CFAP46: variants seen among roughly 807,000 people sequenced by gnomAD.
The protein encoded by CFAP46 is cilia and flagella associated protein 46.
A neutral mutation model predicts 325.7 loss-of-function variants in CFAP46; 245 were observed. The observed-to-expected ratio is 0.75, with a 90% CI of 0.68 to 0.84. The LOEUF (loss-of-function observed/expected upper bound fraction) is 0.84. Ranked by LOEUF, CFAP46 falls within the 40% of genes least tolerant of loss-of-function variation. The pLI, the probability that CFAP46 is intolerant of heterozygous loss-of-function variation, is 0.00. For missense variants in CFAP46, 3,346 were observed against 3,543.0 expected (o/e 0.94, Z 1.41); for synonymous variants, 1,523 against 1,495.9 (o/e 1.02, Z -0.42).
rs150211323 is a variant in CFAP46 at position 132,912,124 on chromosome 10, A to ACC, written c.2499+529_2499+530dup. ...CTCCCTGCTCTCTCCCTCCACCCCC[A>ACC]CCCCCCCACCCCCACATCTCTCTCT... On this transcript the variant is annotated intron_variant, in intron 19 of 57. Coordinates refer to ENST00000368586, the MANE Select transcript of CFAP46 (RefSeq NM_001200049.3). Among the ~76,000 whole-genome samples the ACC allele has an allele frequency of 8.0e-4, 53 of 66,488 alleles. 1 individual carries two copies. Among genetic ancestry groups the ACC allele is most frequent in the African/African-American group, 3.0e-3 (45 of 14,882 alleles). The allele number at this position is 66,488 out of a possible 152,430, so 43.6% of individuals were successfully genotyped here.
chr10:132,923,732 C>A (rs1264310068), intron 11 of CFAP46, among the ~76,000 whole-genome samples: 1 of 152,110 alleles, frequency 6.6e-6, no homozygotes, highest in Non-Finnish European at 1.5e-5. Flanking sequence ...GAAGGAAGGC[C>A]CAGCAGGGGT....
intron 15 of CFAP46, 66 bp from the exon 16 acceptor site, chr10:132,918,586 TCCTGAACCATCTTGGAGTG>T: frequency 6.8e-7 from 1 of 1,465,474 alleles, no homozygotes; most frequent in Non-Finnish European, 9.1e-7. Flanking sequence ...ACACAAGAAT[TCCTGAACCATCTTGGAGTG>T]CCTGAGCCTC....
At position 132,832,387 on chromosome 10, in the gene CFAP46, T is replaced by G. The variant is rs556599113; in HGVS notation, c.7117+971A>C. 1.7e-4 allele frequency among the ~76,000 whole-genome samples: 21 copies of G among 124,382 alleles called. No individual in the cohort carries two copies. Among genetic ancestry groups the G allele is most frequent in the East Asian group, 7.3e-4 (3 of 4,082 alleles). The allele number at this position is 124,382 out of a possible 152,430, so 81.6% of individuals were successfully genotyped here. ...CTTGCGGAGACCCCTGGGCTCTTCC[T>G]GCCCCCCCCCCCCAATGCTGTGGCC... On this transcript the variant is annotated intron_variant, in intron 50 of 57. Coordinates refer to ENST00000368586, the MANE Select transcript of CFAP46 (RefSeq NM_001200049.3). The surrounding 1 kb of genome is among the most constrained non-coding windows in gnomAD (Gnocchi z 4.1).
chr10:132,919,581 C>A lies in CFAP46; in HGVS notation c.1731-139G>T, dbSNP rs896048197. The A allele has an allele frequency of 1.7e-6, 2 of 1,155,302 alleles. No individual in the cohort carries two copies. The highest frequency in any genetic ancestry group is 3.1e-5 in the South Asian group (2 of 63,514). 71.6% of individuals were successfully genotyped at this position (1,155,302 alleles called of 1,614,324 possible). On this transcript the variant is annotated intron_variant, in intron 14 of 57. Coordinates refer to ENST00000368586, the MANE Select transcript of CFAP46 (RefSeq NM_001200049.3). This position sits in a 1 kb window ranked among gnomAD's most constrained non-coding sequence, Gnocchi z 9.7. ...AAGGTGGCAAGGAGCCCGGCACTCG[C>A]GCTGGGTACGGCCTGGCGGGTGCAT... is the stretch of plus-strand genomic sequence containing the variant.
intron 22 of CFAP46, among the ~76,000 whole-genome samples, chr10:132,907,830 T>C (rs969895417): frequency 1.3e-5 from 2 of 152,150 alleles, no homozygotes; most frequent in African/African-American, 4.8e-5. Context: ...CAGAGAGCCC[T>C]GCCCCTTCCC....
chr10:132,851,047 A>G (rs1468769099), intron 40 of CFAP46, 70 bp downstream of exon 40: 1 of 1,577,734 alleles, frequency 6.3e-7, no homozygotes, highest in East Asian at 2.2e-5. Flanking sequence ...TCCTGCTGGA[A>G]CGGGGGTCCC....
Position 132,899,043 on chromosome 10 carries a change from C to T in CFAP46, c.3135G>A (p.Leu1045=). ...CCTTCTTCCTGTAGACGGCTGAGGA[C>T]AGCAGTGGGAGCCAGGCGTTCCAGT... is the stretch of plus-strand genomic sequence containing the variant. ...RHYWNAWLPL[L]SSAVYRKKAK... The change falls in exon 24 of 58, where the codon CTG becomes CTA. Residue 1045 remains leucine, a synonymous_variant. Transcript: ENST00000368586. 1 of 1,550,600 alleles carries T rather than the reference C, an allele frequency of 6.4e-7. No individual in the cohort carries two copies. The highest frequency in any genetic ancestry group is 8.7e-7 in the Non-Finnish European group (1 of 1,146,996).
chr10:132,864,757 CCT>C (rs1377595887), intron 35 of CFAP46, among the ~76,000 whole-genome samples: 1 of 135,686 alleles, frequency 7.4e-6, no homozygotes, highest in African/African-American at 2.9e-5. Context: ...CTCCTCTCCC[CCT>C]GCCTGAGACC....
At position 132,908,488 on chromosome 10, in the gene CFAP46, C is replaced by G. The variant is rs1259162730; in HGVS notation, c.2904G>C (p.Lys968Asn). The G allele has an allele frequency of 6.4e-7, 1 of 1,550,556 alleles. No homozygotes were observed. Among genetic ancestry groups the G allele is most frequent in the South Asian group, 1.2e-5 (1 of 84,064 alleles). ...CAHRALEMGIKYLKKFGPEES... is the reference protein window; with the variant it reads ...CAHRALEMGINYLKKFGPEES... Reference sequence around the variant, plus strand: ...CTTACGGCCCAAATTTCTTCAGGTACTTGATGCCCATCTCCAGAGCCCTGT... The same window carrying G: ...CTTACGGCCCAAATTTCTTCAGGTAGTTGATGCCCATCTCCAGAGCCCTGT... The change falls in exon 22 of 58, where the codon AAG becomes AAC. Residue 968 changes from lysine (K) to asparagine (N), a missense_variant. Transcript: ENST00000368586.
intron 16 of CFAP46, among the ~76,000 whole-genome samples, chr10:132,917,655 G>A (rs988625099): frequency 1.3e-5 from 2 of 152,204 alleles, no homozygotes; most frequent in African/African-American, 4.8e-5. Context: ...TTACACCCAT[G>A]CACACTTTGG....
At chr10:132,938,391 C>T (rs538490211) in intron 5 of CFAP46, among the ~76,000 whole-genome samples, 198 bp downstream of exon 5, 11 of 152,308 alleles carry the variant, frequency 7.2e-5, no homozygotes, top group Admixed American at 2.6e-4. Flanking sequence ...AACCAGGGCA[C>T]GGCAAATGTC....
At chr10:132,820,006 C>G (rs759609118) in intron 50 of CFAP46, among the ~76,000 whole-genome samples, 6 of 152,102 alleles carry the variant, frequency 3.9e-5, no homozygotes, top group Non-Finnish European at 8.8e-5. Context: ...GGATCAATAG[C>G]CTAAGTATAT....
chr10:132,865,765 A>G (rs913161277), intron 35 of CFAP46, among the ~76,000 whole-genome samples: 22 of 152,236 alleles, frequency 1.4e-4, no homozygotes, highest in Admixed American at 5.2e-4. Context: ...CTGACACCCA[A>G]GAGAAACGAG....
chr10:132,937,051 C>G lies in CFAP46; in HGVS notation c.665G>C (p.Arg222Pro), dbSNP rs1029661203. ...CTGAAGTTCGTCCATTAATTCATGA[C>G]GAACCTGTCATAAAATGGAGCAGAT... Reference protein sequence around the residue: ...KYRQIFSVMVRHELMDELQLK... With the variant: ...KYRQIFSVMVPHELMDELQLK... Residue 222 changes from arginine to proline, a missense_variant, in exon 7 of 58, where the codon CGT becomes CCT. By Grantham distance (103) the Arg-to-Pro change is moderately radical (BLOSUM62 -2). Coordinates refer to ENST00000368586, the MANE Select transcript of CFAP46 (RefSeq NM_001200049.3). The G allele has an allele frequency of 1.3e-6, 2 of 1,496,892 alleles. No individual in the cohort carries two copies. Among genetic ancestry groups the G allele is most frequent in the Non-Finnish European group, 1.8e-6 (2 of 1,109,588 alleles). 92.7% of individuals were successfully genotyped at this position (1,496,892 alleles called of 1,614,324 possible). A position where few individuals can be genotyped will look rare whatever the true frequency, so the allele number is the denominator to read the frequency against.
At chr10:132,887,464 CTT>C (rs1849164845) in intron 25 of CFAP46, among the ~76,000 whole-genome samples, 1 of 128,956 alleles carries the variant, frequency 7.8e-6, no homozygotes, top group Non-Finnish European at 1.6e-5. Context: ...CCTCTCCCCT[CTT>C]CTCTCTCTCC....
In CFAP46 at chr10:132,857,585, C is replaced by T. The variant is rs1386225791; in HGVS notation, c.5574+5G>A. 5 of 1,612,118 alleles carry T rather than the reference C, an allele frequency of 3.1e-6. No individual in the cohort carries two copies. The highest frequency in any genetic ancestry group is 4.2e-6 in the Non-Finnish European group (5 of 1,179,534). On this transcript the variant is annotated splice_donor_5th_base_variant and intron_variant, in intron 39 of 57. Coordinates refer to ENST00000368586, the MANE Select transcript of CFAP46 (RefSeq NM_001200049.3). Reference sequence around the variant, plus strand: ...GTGTGCACAGGAACCAGGACACCTGCTTACGTCTTGAAGTGACAATAGGCC... The same window carrying T: ...GTGTGCACAGGAACCAGGACACCTGTTTACGTCTTGAAGTGACAATAGGCC...
chr10:132,872,005 C>A (rs1848901388), intron 32 of CFAP46, among the ~76,000 whole-genome samples: 1 of 152,132 alleles, frequency 6.6e-6, no homozygotes, highest in Non-Finnish European at 1.5e-5. Flanking sequence ...TTAGTACATA[C>A]ATTTTAAATG....
chr10:132,909,045 C>A, intron 21 of CFAP46, 92 bp downstream of exon 21: 1 of 900,566 alleles, frequency 1.1e-6, no homozygotes, highest in South Asian at 1.5e-5. Flanking sequence ...TGAGCATGCA[C>A]GATGGGGCTC....
At chr10:132,910,558 C>T (rs772122134) in intron 19 of CFAP46, among the ~76,000 whole-genome samples, 4 of 152,250 alleles carry the variant, frequency 2.6e-5, no homozygotes, top group South Asian at 2.1e-4. Flanking sequence ...TCATGCTGTG[C>T]GCCTCAGTTT....
Sources: allele counts gnomAD v4.1 joint callset (sites outside exome capture counted in the v4.1 genomes callset), GRCh38; gene constraint gnomAD v4.1.1; non-coding constraint Gnocchi (gnomAD v3.1); transcripts MANE v1.5; gene names NCBI Gene and HGNC (gene_info 2026-07-23, HGNC 2026-07-21).